Variants in ATP11A observed in about 807,000 individuals in gnomAD.
ATP11A encodes ATPase phospholipid transporting 11A.
ATP11A carries 81 observed loss-of-function variants against 154.4 expected under a neutral mutation model. That is an observed-to-expected ratio of 0.52 (90% confidence interval 0.44 to 0.63). The LOEUF (loss-of-function observed/expected upper bound fraction) is 0.63. Ranked by LOEUF, ATP11A falls within the 30% of genes least tolerant of loss-of-function variation. The pLI is 0.00. For synonymous variants in ATP11A, 623 were observed against 585.9 expected (o/e 1.06, Z -0.91); for missense variants, 1,316 against 1,474.3 (o/e 0.89, Z 1.76).
chr13:112,741,510 T>G (rs1296035941), intron 1 of ATP11A, among the ~76,000 whole-genome samples: 1 of 152,192 alleles, frequency 6.6e-6, no homozygotes, highest in Non-Finnish European at 1.5e-5. Context: ...ACCATTACCC[T>G]GGCCTGGGCT....
intron 12 of ATP11A, among the ~76,000 whole-genome samples, chr13:112,828,120 A>AAGT (rs2078982698): frequency 7.0e-6 from 1 of 143,146 alleles, no homozygotes; most frequent in African/African-American, 2.6e-5. Context: ...AGTGGGGGGA[A>AAGT]GCGCCCAGCA....
At position 112,884,114 on chromosome 13, in the gene ATP11A, T is replaced by A. The variant is rs1452006774; in HGVS notation, c.*2248T>A. 1 of 152,562 alleles carries A rather than the reference T, an allele frequency of 6.6e-6. No individual in the cohort carries two copies. The highest frequency in any genetic ancestry group is 1.5e-5 in the Non-Finnish European group (1 of 68,050). The allele number at this position is 152,562 out of a possible 1,614,324, so 9.5% of individuals were successfully genotyped here. A position where few individuals can be genotyped will look rare whatever the true frequency, so the allele number is the denominator to read the frequency against. On this transcript the variant is annotated 3_prime_UTR_variant, in exon 30 of 30. Transcript: ENST00000375645. ...TGAGAGTTTTGACTGAATGTTCCAATCTCTGATGAATGCGAATTTTCAGAT... is the reference window on the plus strand; with the variant it reads ...TGAGAGTTTTGACTGAATGTTCCAAACTCTGATGAATGCGAATTTTCAGAT...
At chr13:112,870,178 G>A (rs1156535246) in intron 25 of ATP11A, among the ~76,000 whole-genome samples, 3 of 152,212 alleles carry the variant, frequency 2.0e-5, no homozygotes, top group African/African-American at 7.2e-5. Flanking sequence ...TGAAGGATGT[G>A]TTGATGGGGG....
At chr13:112,863,262 A>AGC (rs2080181615) in intron 25 of ATP11A, among the ~76,000 whole-genome samples, 1 of 126,626 alleles carries the variant, frequency 7.9e-6, no homozygotes, top group Non-Finnish European at 1.7e-5. Context: ...AATTCAGTGC[A>AGC]AACCATGCAG....
intron 28 of ATP11A, among the ~76,000 whole-genome samples, chr13:112,877,704 C>T (rs1342960049): frequency 2.6e-5 from 4 of 152,154 alleles, no homozygotes; most frequent in African/African-American, 7.2e-5. Flanking sequence ...GAGTTGAACT[C>T]GGGGGGTTAG....
At chr13:112,858,402 C>T (rs1359184634) in intron 22 of ATP11A, 112 bp downstream of exon 22, 5 of 1,116,026 alleles carry the variant, frequency 4.5e-6, no homozygotes, top group Non-Finnish European at 6.2e-6. Context: ...CTCCGAGGAG[C>T]AGCAACTGTC....
Position 112,859,512 on chromosome 13 carries a change from G to C in ATP11A, c.2727+60G>C, listed in dbSNP as rs976709502. On this transcript the variant is annotated intron_variant, in intron 23 of 29. Transcript: ENST00000375645. This position sits in a 1 kb window ranked among gnomAD's most constrained non-coding sequence, Gnocchi z 4.3. ...AGCCTTCTTTTCCTTCCCGCAGTGG[G>C]TGGCTGCTGTGGGGAGGGGAGACTT... The C allele has an allele frequency of 1.4e-6, 2 of 1,403,286 alleles. No individual in the cohort carries two copies. Among genetic ancestry groups the C allele is most frequent in the African/African-American group, 2.8e-5 (2 of 70,258 alleles). The allele number at this position is 1,403,286 out of a possible 1,614,324, so 86.9% of individuals were successfully genotyped here. A position where few individuals can be genotyped will look rare whatever the true frequency, so the allele number is the denominator to read the frequency against.
chr13:112,777,676 C>T (rs1052396348), intron 1 of ATP11A, among the ~76,000 whole-genome samples: 1 of 152,232 alleles, frequency 6.6e-6, no homozygotes, highest in Non-Finnish European at 1.5e-5. Flanking sequence ...CTGTGCTGTG[C>T]GGTTACAGCT....
intron 1 of ATP11A, among the ~76,000 whole-genome samples, chr13:112,740,156 A>C (rs796716539): frequency 0.029 from 4,255 of 146,622 alleles, 74 homozygotes; most frequent in South Asian, 0.058. Flanking sequence ...CTCTATATAT[A>C]TATATATATA....
intron 1 of ATP11A, among the ~76,000 whole-genome samples, chr13:112,768,456 C>T (rs1210384730): frequency 3.3e-5 from 5 of 152,218 alleles, no homozygotes; most frequent in Non-Finnish European, 5.9e-5. Flanking sequence ...CCAGCTGAGC[C>T]GCCCTGGTGT....
At chr13:112,737,721 A>T (rs1165022093) in intron 1 of ATP11A, among the ~76,000 whole-genome samples, 1 of 152,214 alleles carries the variant, frequency 6.6e-6, no homozygotes, top group Non-Finnish European at 1.5e-5. Context: ...GTAAGGTTAC[A>T]TGGTCACTCT....
intron 1 of ATP11A, among the ~76,000 whole-genome samples, chr13:112,724,921 C>T (rs912647506): frequency 6.6e-6 from 1 of 152,204 alleles, no homozygotes; most frequent in Non-Finnish European, 1.5e-5. Flanking sequence ...ATCTGCCTTC[C>T]TCTGCTCCAG....
chr13:112,844,874 T>C (rs9550226), intron 17 of ATP11A, among the ~76,000 whole-genome samples: 43,171 of 131,686 alleles, frequency 0.33, 8,794 homozygotes, highest in African/African-American at 0.51. Flanking sequence ...ACAGTACTAA[T>C]CAGTCCAGTT....
At chr13:112,869,456 A>G (rs913869321) in intron 25 of ATP11A, among the ~76,000 whole-genome samples, 1 of 152,164 alleles carries the variant, frequency 6.6e-6, no homozygotes, top group Non-Finnish European at 1.5e-5. Flanking sequence ...CAGCAGGGAG[A>G]GGGGACAGTG....
At chr13:112,809,661 G>T (rs1391603100) in intron 4 of ATP11A, among the ~76,000 whole-genome samples, 2 of 152,134 alleles carry the variant, frequency 1.3e-5, no homozygotes, top group Non-Finnish European at 2.9e-5. Flanking sequence ...ATTAGATGCG[G>T]TGGACGTGGA....
intron 25 of ATP11A, among the ~76,000 whole-genome samples, chr13:112,869,622 G>A (rs1321768674): frequency 1.3e-5 from 2 of 152,220 alleles, no homozygotes; most frequent in Non-Finnish European, 2.9e-5. Flanking sequence ...GGAGGAAGAG[G>A]AGAGCTGGGC....
intron 1 of ATP11A, among the ~76,000 whole-genome samples, chr13:112,701,021 T>A (rs1472573053): frequency 6.6e-6 from 1 of 152,210 alleles, no homozygotes; most frequent in Non-Finnish European, 1.5e-5. Flanking sequence ...TGCTGAGGGA[T>A]CAGCCGACCC....
chr13:112,882,236 G>T lies in ATP11A; in HGVS notation c.*370G>T. On this transcript the variant is annotated 3_prime_UTR_variant, in exon 30 of 30. Transcript: ENST00000375645. This position sits in a 1 kb window ranked among gnomAD's most constrained non-coding sequence, Gnocchi z 5.1. The stretch of plus-strand genomic sequence containing the variant: ...TCTGGGCATTCGGCTCAACGCAGGA[G>T]GGACATTCTGCTGGCCCACCCTGCG... The T allele has an allele frequency of 3.7e-6, 3 of 806,840 alleles. No homozygotes were observed. Among genetic ancestry groups the T allele is most frequent in the East Asian group, 5.5e-5 (1 of 18,068 alleles). 50.0% of individuals were successfully genotyped at this position (806,840 alleles called of 1,614,324 possible).
At chr13:112,832,503 G>A (rs554183410) in intron 13 of ATP11A, among the ~76,000 whole-genome samples, 14 of 152,350 alleles carry the variant, frequency 9.2e-5, no homozygotes, top group South Asian at 4.1e-4. Flanking sequence ...GGTCCAGGGT[G>A]TTTGTGAATG....
Sources: gnomAD v4.1 joint callset for allele counts (sites outside exome capture counted in the v4.1 genomes callset) on GRCh38, gnomAD v4.1.1 for gene constraint, Gnocchi (gnomAD v3.1) non-coding constraint, MANE v1.5 for transcripts, NCBI Gene and HGNC (gene_info 2026-07-23, HGNC 2026-07-21) for gene names.